AQP12A: variants seen among roughly 807,000 people sequenced by gnomAD.
AQP12A encodes the protein aquaporin 12A, also known as putative aquaporin-12A.
A neutral mutation model predicts 12.2 loss-of-function variants in AQP12A; 11 were observed. That is an observed-to-expected ratio of 0.90 (90% confidence interval 0.57 to 1.49). The LOEUF is 1.49. AQP12A is among the 40% of genes most tolerant of loss of function. The pLI is 0.00. For synonymous variants in AQP12A, 101 were observed against 127.1 expected (o/e 0.79, Z 1.38); for missense variants, 203 against 260.8 (o/e 0.78, Z 1.53).
chr2:240,692,482 C>T lies in AQP12A; in HGVS notation c.532C>T (p.Pro178Ser), dbSNP rs1320873570. 5 of 1,465,054 alleles carry T rather than the reference C, an allele frequency of 3.4e-6. No individual in the cohort carries two copies. The highest frequency in any genetic ancestry group is 3.7e-6 in the Non-Finnish European group (4 of 1,091,542). The allele number at this position is 1,465,054 out of a possible 1,614,324, so 90.8% of individuals were successfully genotyped here. Residue 178 changes from proline to serine, a missense_variant, in exon 2 of 4, where the codon CCC (proline) becomes TCC (serine). Coordinates refer to ENST00000337801, the MANE Select transcript of AQP12A (RefSeq NM_198998.3). ...GCACAGTCCTCCCGCCTACAGCGGG[C>T]CCGCTGTGGCTCTGTTGGTCACCGT... ...LRHSPPAYSG[P>S]AVALLVTVTA... is the part of the protein sequence containing the mutation.
chr2:240,693,298 C>T (rs1242063078), intron 2 of AQP12A, among the ~76,000 whole-genome samples: 1 of 152,278 alleles, frequency 6.6e-6, no homozygotes, highest in Non-Finnish European at 1.5e-5. Flanking sequence ...TGGCACTGCC[C>T]ACGACCCAGC....
Position 240,692,175 on chromosome 2 carries a change from G to A in AQP12A, c.225G>A (p.Leu75=). Residue 75 remains leucine, a synonymous_variant, in exon 2 of 4, where the codon TTG becomes TTA. Transcript: ENST00000337801. ...TCTTCCTGGCGCACGGGGTCACCTT[G>A]GACGGGGCCTCGGCCAACCCCACTG... ...FLLFLAHGVT[L]DGASANPTVS... 6.3e-7 allele frequency: 1 copy of A among 1,583,138 alleles called. No homozygotes were observed.
chr2:240,693,296 C>A (rs1308954854), intron 2 of AQP12A, among the ~76,000 whole-genome samples: 2 of 152,270 alleles, frequency 1.3e-5, no homozygotes, highest in Non-Finnish European at 2.9e-5. Context: ...CATGGCACTG[C>A]CCACGACCCA....
At position 240,692,261 on chromosome 2, in the gene AQP12A, C is replaced by T. The variant is rs201167811; in HGVS notation, c.311C>T (p.Ala104Val). ...QSLPGTLLKL[A>V]AQGLGMQAAC... ...CTGCCTGGCACGCTGTTGAAGCTGG[C>T]GGCACAGGGGCTGGGCATGCAGGCC... Residue 104 changes from alanine to valine, a missense_variant, in exon 2 of 4, where the codon GCG becomes GTG. Physicochemically the swap from Ala to Val is moderately conservative, Grantham distance 64 (BLOSUM62 0). This residue lies in a region of AQP12A where 191 missense variants were observed against 197.1 expected (regional missense o/e 0.97). Transcript: ENST00000337801. 60 of 1,578,628 alleles carry T rather than the reference C, an allele frequency of 3.8e-5. 8 individuals carry two copies. The highest frequency in any genetic ancestry group is 1.2e-4 in the East Asian group (5 of 42,120).
rs778167168 is a variant in AQP12A, at chr2:240,692,095, G to C, written c.145G>C (p.Gly49Arg). 9.5e-6 allele frequency: 15 copies of C among 1,582,904 alleles called. 1 individual carries two copies. The highest frequency in any genetic ancestry group is 2.4e-5 in the East Asian group (1 of 42,220). ...GGAGATGAGGACGCTGGTCGAGCTC[G>C]GGCCCTGGGCTGGGGACTTTGGGCC... Reference protein sequence around the residue: ...REAMRTLVELGPWAGDFGPDL... With the variant: ...REAMRTLVELRPWAGDFGPDL... Residue 49 changes from glycine (G) to arginine (R), a missense_variant, in exon 2 of 4, where the codon GGG becomes CGG. Gly to Arg is a moderately radical substitution (Grantham distance 125). Transcript: ENST00000337801.
rs774908729 is a variant in AQP12A at position 240,691,971 on chromosome 2, G to T, written c.58G>T (p.Ala20Ser). The change falls in exon 1 of 4, where the codon GCG becomes TCG. Residue 20 changes from alanine to serine, a missense_variant. Physicochemically the swap from Ala to Ser is moderately conservative, Grantham distance 99. This residue lies in a region of AQP12A where 191 missense variants were observed against 197.1 expected (regional missense o/e 0.97). Coordinates refer to ENST00000337801, the MANE Select transcript of AQP12A (RefSeq NM_198998.3). Reference protein sequence around the residue: ...FFFATFALCEAARRASKALLP... With the variant: ...FFFATFALCESARRASKALLP... ...CTTTGCCACCTTCGCCCTCTGTGAGGCGGCCAGGCGGGCCTCCAAGGCCCT... is the reference window on the plus strand; with the variant it reads ...CTTTGCCACCTTCGCCCTCTGTGAGTCGGCCAGGCGGGCCTCCAAGGCCCT... The T allele has an allele frequency of 2.5e-6, 4 of 1,589,138 alleles. No homozygotes were observed. The highest frequency in any genetic ancestry group is 3.4e-6 in the Non-Finnish European group (4 of 1,169,084).
At chr2:240,693,625 G>T (rs1445570673) in intron 2 of AQP12A, among the ~76,000 whole-genome samples, 2 of 151,560 alleles carry the variant, frequency 1.3e-5, no homozygotes, top group East Asian at 4.0e-4. Flanking sequence ...GCTCTTCCGT[G>T]CCCAGAGGCA....
chr2:240,693,821 C>CCT (rs758364823), intron 2 of AQP12A, among the ~76,000 whole-genome samples: 1 of 98,354 alleles, frequency 1.0e-5, no homozygotes. Flanking sequence ...CTCTGTCTCT[C>CCT]CTCTCTCTCT....
Position 240,691,923 on chromosome 2 carries a change from C to A in AQP12A, c.10C>A (p.Leu4Ile). The A allele has an allele frequency of 6.3e-7, 1 of 1,595,436 alleles. No individual in the cohort carries two copies. Among genetic ancestry groups the A allele is most frequent in the Non-Finnish European group, 8.5e-7 (1 of 1,173,842 alleles). Residue 4 changes from leucine (L) to isoleucine (I), a missense_variant, in exon 1 of 4, where the codon CTT becomes ATT. Around this residue, in one of 2 missense-constraint regions of AQP12A, gnomAD observed 191 missense variants for 197.1 expected, o/e 0.97. Transcript: ENST00000337801. Reference protein sequence around the residue: MAGLNVSLSFFFAT... With the variant: MAGINVSLSFFFAT... ...CGGGGGGCCCAGGCCGATGGCAGGT[C>A]TTAACGTGTCCCTCTCCTTCTTCTT...
Position 240,692,424 on chromosome 2 carries a change from C to G in AQP12A, c.474C>G (p.Ala158=). 6.6e-7 allele frequency: 1 copy of G among 1,516,150 alleles called. No homozygotes were observed. Among genetic ancestry groups the G allele is most frequent in the Non-Finnish European group, 8.8e-7 (1 of 1,133,168 alleles). 93.9% of individuals were successfully genotyped at this position (1,516,150 alleles called of 1,614,324 possible). ...GGGCGCTTGTGGAGGCCGCCTGCGCCTTTTGTTTCCATCTGACCCTCCTGC... is the reference window on the plus strand; with the variant it reads ...GGGCGCTTGTGGAGGCCGCCTGCGCGTTTTGTTTCCATCTGACCCTCCTGC... ...PHGALVEAAC[A]FCFHLTLLHL... Residue 158 remains alanine (A), a synonymous_variant, in exon 2 of 4, where the codon GCC becomes GCG. Transcript: ENST00000337801.
chr2:240,693,433 G>A (rs1360167042), intron 2 of AQP12A, among the ~76,000 whole-genome samples: 1 of 152,248 alleles, frequency 6.6e-6, no homozygotes, highest in Admixed American at 6.5e-5. Context: ...CTCTGTGGCA[G>A]ATTGCCCGGG....
intron 2 of AQP12A, among the ~76,000 whole-genome samples, chr2:240,693,074 C>T (rs2125521017): frequency 6.6e-6 from 1 of 152,324 alleles, no homozygotes; most frequent in East Asian, 1.9e-4. Flanking sequence ...TCCCCCATGT[C>T]TGCTTTCCCC....
chr2:240,691,988 C>A lies in AQP12A; in HGVS notation c.75C>A (p.Ser25=). The change falls in exon 1 of 4, where the codon TCC becomes TCA. Residue 25 remains serine (S), a synonymous_variant. Coordinates refer to ENST00000337801, the MANE Select transcript of AQP12A (RefSeq NM_198998.3). ...TCTGTGAGGCGGCCAGGCGGGCCTC[C>A]AAGGCCCTGCTCCCAGTGGGCGCCT... ...FALCEAARRA[S]KALLPVGAYE... 6.3e-7 allele frequency: 1 copy of A among 1,588,452 alleles called. No individual in the cohort carries two copies. The highest frequency in any genetic ancestry group is 1.4e-5 in the African/African-American group (1 of 73,182).
chr2:240,692,373 G>A lies in AQP12A; in HGVS notation c.423G>A (p.Ser141=), dbSNP rs554892429. 23 of 1,524,468 alleles carry A rather than the reference G, an allele frequency of 1.5e-5. No homozygotes were observed. Among genetic ancestry groups the A allele is most frequent in the Admixed American group, 1.3e-4 (6 of 44,672 alleles). 94.4% of individuals were successfully genotyped at this position (1,524,468 alleles called of 1,614,324 possible). A position where few individuals can be genotyped will look rare whatever the true frequency, so the allele number is the denominator to read the frequency against. ...GCCTCATGGCCCAGAGCTGCAGCTC[G>A]GCCCTGCGCACATCCGTGCCCCACG... ...LQSLMAQSCS[S]ALRTSVPHGA... Residue 141 remains serine, a synonymous_variant, in exon 2 of 4, where the codon TCG becomes TCA. Transcript: ENST00000337801.
chr2:240,693,064 T>A (rs2044085635), intron 2 of AQP12A, among the ~76,000 whole-genome samples: 2 of 152,174 alleles, frequency 1.3e-5, no homozygotes, highest in African/African-American at 4.8e-5. Flanking sequence ...TCTGATCCAG[T>A]CCCCCATGTC....
rs2044097248 is a variant in AQP12A at position 240,694,067 on chromosome 2, C to A, written c.572-366C>A. 6.2e-5 allele frequency among the ~76,000 whole-genome samples: 6 copies of A among 96,232 alleles called. No individual in the cohort carries two copies. In the South Asian group the frequency reaches 2.9e-3, roughly 47 times the overall value. The allele number at this position is 96,232 out of a possible 152,430, so 63.1% of individuals were successfully genotyped here. ...TTTTTGTCTCTCTCTCACTATCTGT[C>A]TCTCTTAGTGTCTCTCTCCATCTCT... On this transcript the variant is annotated intron_variant, in intron 2 of 3. Coordinates refer to ENST00000337801, the MANE Select transcript of AQP12A (RefSeq NM_198998.3).
At chr2:240,692,671 T>C (rs868032154) in intron 2 of AQP12A, 150 bp downstream of exon 2, 125,783 of 543,320 alleles carry the variant, frequency 0.23, 789 homozygotes, top group Middle Eastern at 0.31. Context: ...TTTCCTGGGA[T>C]CTGGCGGGTA....
intron 2 of AQP12A, among the ~76,000 whole-genome samples, chr2:240,693,761 C>T (rs1374285585): frequency 6.6e-6 from 1 of 152,088 alleles, no homozygotes; most frequent in Non-Finnish European, 1.5e-5. Flanking sequence ...CTTCTCTCCT[C>T]TGCTGCTGCT....
rs1436649572 is a variant in AQP12A at position 240,692,051 on chromosome 2, A to C, written c.123+15A>C. On this transcript the variant is annotated intron_variant, in intron 1 of 3. Transcript: ENST00000337801. ...CCCGGGAGGCGGTGGGTGCGGGTGC[A>C]GCTCGGGCCCTGCTGCCTGGAGATG... 1 of 1,579,616 alleles carries C rather than the reference A, an allele frequency of 6.3e-7. No individual in the cohort carries two copies.
Sources: gnomAD v4.1 joint callset for allele counts (sites outside exome capture counted in the v4.1 genomes callset) on GRCh38, gnomAD v4.1.1 for gene constraint, gnomAD v4.1.1 regional missense constraint, MANE v1.5 for transcripts, NCBI Gene and HGNC (gene_info 2026-07-23, HGNC 2026-07-21) for gene names.